Variants in DTWD2 observed in about 807,000 individuals in gnomAD.
The protein encoded by DTWD2 is DTW motif tRNA-uridine aminocarboxypropyltransferase 2.
Under a neutral mutation model 31.8 loss-of-function variants are expected in DTWD2, and 39 were observed. The ratio of observed to expected loss-of-function variants is 1.22; its 90% CI spans 0.95 to 1.60. DTWD2 has a LOEUF of 1.60. Ranked by LOEUF, DTWD2 falls within the 40% of genes most tolerant of loss-of-function variation. The pLI is 0.00. For synonymous variants in DTWD2, 180 were observed against 142.8 expected, an observed-to-expected ratio of 1.26 and a Z score of -1.86; for missense variants, 515 against 381.5, an observed-to-expected ratio of 1.35 and a Z score of -2.92.
chr5:118,901,916 T>C (rs1415747853), intron 4 of DTWD2, among the ~76,000 whole-genome samples: 1 of 152,188 alleles, frequency 6.6e-6, no homozygotes, highest in Non-Finnish European at 1.5e-5. Flanking sequence ...CTCAGAAATG[T>C]TTATTTTTAA....
chr5:118,948,764 G>A (rs1177057902), intron 1 of DTWD2, among the ~76,000 whole-genome samples: 1 of 152,180 alleles, frequency 6.6e-6, no homozygotes, highest in African/African-American at 2.4e-5. Flanking sequence ...GGGAGAGCTA[G>A]TGTGGAAGCA....
chr5:118,985,861 C>T (rs945214140), intron 1 of DTWD2, among the ~76,000 whole-genome samples: 3 of 151,986 alleles, frequency 2.0e-5, no homozygotes, highest in Non-Finnish European at 4.4e-5. Flanking sequence ...AAATTTGATG[C>T]GGTTCATTAC....
intron 4 of DTWD2, among the ~76,000 whole-genome samples, chr5:118,849,096 G>A (rs1017572159): frequency 6.6e-6 from 1 of 152,118 alleles, no homozygotes; most frequent in East Asian, 1.9e-4. Flanking sequence ...GCAACCTACA[G>A]AATGGGAGAA....
At chr5:118,856,813 C>T (rs1384640210) in intron 4 of DTWD2, among the ~76,000 whole-genome samples, 1 of 73,928 alleles carries the variant, frequency 1.4e-5, no homozygotes. Flanking sequence ...CTCTTTGTTG[C>T]CCAGGCTGGA....
At chr5:118,873,291 G>C (rs1203765141) in intron 4 of DTWD2, among the ~76,000 whole-genome samples, 1 of 152,174 alleles carries the variant, frequency 6.6e-6, no homozygotes, top group Non-Finnish European at 1.5e-5. Context: ...GAACTCTGCA[G>C]GGCAGTCTTG....
At chr5:118,929,519 T>G (rs1449098069) in intron 3 of DTWD2, among the ~76,000 whole-genome samples, 1 of 152,002 alleles carries the variant, frequency 6.6e-6, no homozygotes, top group East Asian at 1.9e-4. Flanking sequence ...AAATTTGTTC[T>G]GACCACGAGG....
chr5:118,862,862 T>C (rs1021510233), intron 4 of DTWD2, among the ~76,000 whole-genome samples: 2 of 152,240 alleles, frequency 1.3e-5, no homozygotes, highest in African/African-American at 4.8e-5. Flanking sequence ...TTTTGGTTAA[T>C]GAGACATAAC....
At chr5:118,960,853 T>G (rs1005955286) in intron 1 of DTWD2, among the ~76,000 whole-genome samples, 4 of 152,104 alleles carry the variant, frequency 2.6e-5, no homozygotes, top group African/African-American at 7.2e-5. Context: ...TATTCTCACT[T>G]ATCAGTGGGA....
chr5:118,861,728 G>C (rs1752263956), intron 4 of DTWD2, among the ~76,000 whole-genome samples: 1 of 152,134 alleles, frequency 6.6e-6, no homozygotes, highest in East Asian at 1.9e-4. Flanking sequence ...TGTGTCATGG[G>C]TCAGTATAGC....
At chr5:118,862,162 A>G (rs1752275396) in intron 4 of DTWD2, among the ~76,000 whole-genome samples, 1 of 152,228 alleles carries the variant, frequency 6.6e-6, no homozygotes, top group African/African-American at 2.4e-5. Flanking sequence ...ATTCCTTATG[A>G]GGATCTAACT....
chr5:118,841,753 C>T (rs1255565328), intron 5 of DTWD2, among the ~76,000 whole-genome samples: 1 of 151,802 alleles, frequency 6.6e-6, no homozygotes, highest in Admixed American at 6.6e-5. Flanking sequence ...ATACGCTCTA[C>T]CTGAAGTTAT....
chr5:118,979,166 T>C (rs985180606), intron 1 of DTWD2, among the ~76,000 whole-genome samples: 4 of 152,072 alleles, frequency 2.6e-5, no homozygotes, highest in Non-Finnish European at 5.9e-5. Context: ...TAGCCAGGCA[T>C]GGTGGCGGGC....
chr5:118,903,052 A>G (rs1753251772), intron 4 of DTWD2, among the ~76,000 whole-genome samples: 4 of 152,132 alleles, frequency 2.6e-5, no homozygotes, highest in South Asian at 4.1e-4. Context: ...TTAAAATGAT[A>G]TTTAAAATTA....
intron 3 of DTWD2, among the ~76,000 whole-genome samples, chr5:118,931,100 A>G (rs1290282170): frequency 6.6e-6 from 1 of 152,156 alleles, no homozygotes; most frequent in East Asian, 1.9e-4. Context: ...ATACTAATCA[A>G]AAGATAATTC....
intron 4 of DTWD2, among the ~76,000 whole-genome samples, chr5:118,851,752 C>G (rs1174627792): frequency 1.3e-5 from 2 of 150,670 alleles, no homozygotes; most frequent in African/African-American, 4.9e-5. Context: ...TGATGAGTTA[C>G]TGGGTGCAGC....
intron 1 of DTWD2, among the ~76,000 whole-genome samples, chr5:118,948,780 T>C (rs1466125534): frequency 1.3e-5 from 2 of 152,138 alleles, no homozygotes; most frequent in African/African-American, 4.8e-5. Flanking sequence ...AAGCAGCTTC[T>C]AGGGCTGTTT....
At chr5:118,979,626 A>G (rs956640581) in intron 1 of DTWD2, among the ~76,000 whole-genome samples, 13 of 152,248 alleles carry the variant, frequency 8.5e-5, no homozygotes, top group African/African-American at 3.1e-4. Context: ...TCAATAATAG[A>G]CTGGATATAG....
At chr5:118,856,039 G>A (rs995247603) in intron 4 of DTWD2, among the ~76,000 whole-genome samples, 22 of 152,106 alleles carry the variant, frequency 1.4e-4, no homozygotes, top group African/African-American at 1.9e-4. Context: ...GACTGACACC[G>A]TCAGTATGCT....
intron 1 of DTWD2, among the ~76,000 whole-genome samples, chr5:118,957,468 C>A (rs1754611831): frequency 6.6e-6 from 1 of 152,072 alleles, no homozygotes; most frequent in Non-Finnish European, 1.5e-5. Flanking sequence ...GATCTGCCTG[C>A]CTTGGCCTCA....
Sources: allele counts gnomAD v4.1 joint callset (sites outside exome capture counted in the v4.1 genomes callset), GRCh38; gene constraint gnomAD v4.1.1; transcripts MANE v1.5; gene names NCBI Gene and HGNC (gene_info 2026-07-23, HGNC 2026-07-21).